Variants in CDH2 observed in about 807,000 individuals in gnomAD.
CDH2 encodes the protein cadherin-2.
A neutral mutation model predicts 92.0 loss-of-function variants in CDH2; 17 were observed. The observed-to-expected ratio is 0.18, with a 90% confidence interval of 0.13 to 0.28. The LOEUF is 0.28. Among genes scored for constraint, CDH2 ranks in the 10% least tolerant of loss-of-function variants. The pLI is 1.00. For missense variants in CDH2, 862 were observed against 1,133.1 expected (o/e 0.76, Z 3.44); for synonymous variants, 419 against 415.9 (o/e 1.01, Z -0.09).
At chr18:28,123,959 G>A (rs1207429866) in intron 2 of CDH2, among the ~76,000 whole-genome samples, 1 of 152,100 alleles carries the variant, frequency 6.6e-6, no homozygotes, top group East Asian at 1.9e-4. Context: ...TAAAACTTAT[G>A]TTAAATTCAA....
intron 2 of CDH2, among the ~76,000 whole-genome samples, chr18:28,056,171 T>C (rs1462143243): frequency 1.3e-5 from 2 of 151,952 alleles, no homozygotes; most frequent in East Asian, 3.9e-4. Flanking sequence ...ATGAAAAGGA[T>C]ATTAGAAGGT....
intron 1 of CDH2, among the ~76,000 whole-genome samples, chr18:28,167,086 A>C (rs888898186): frequency 4.6e-5 from 7 of 152,174 alleles, no homozygotes; most frequent in Non-Finnish European, 1.0e-4. Flanking sequence ...TAGTAAGCTC[A>C]GAGAAGGTAT....
At chr18:28,154,641 G>C (rs990487809) in intron 1 of CDH2, among the ~76,000 whole-genome samples, 1 of 152,178 alleles carries the variant, frequency 6.6e-6, no homozygotes, top group African/African-American at 2.4e-5. Flanking sequence ...TTAAAGCCGA[G>C]TCCACTACTC....
chr18:27,972,823 G>A (rs1476229309), intron 14 of CDH2, among the ~76,000 whole-genome samples: 1 of 152,110 alleles, frequency 6.6e-6, no homozygotes, highest in Non-Finnish European at 1.5e-5. Flanking sequence ...GACCAAGAGT[G>A]GACATAAAAG....
intron 2 of CDH2, among the ~76,000 whole-genome samples, chr18:28,038,822 AC>A (rs1361534553): frequency 3.3e-5 from 5 of 152,146 alleles, no homozygotes; most frequent in African/African-American, 1.2e-4. Flanking sequence ...CCTCTGCACC[AC>A]ATTCTAATTT....
At chr18:28,115,053 GGGA>G (rs1159437463) in intron 2 of CDH2, among the ~76,000 whole-genome samples, 2 of 152,156 alleles carry the variant, frequency 1.3e-5, no homozygotes, top group Non-Finnish European at 2.9e-5. Flanking sequence ...ATCTCCAAGA[GGGA>G]GGAGAACGTT....
intron 5 of CDH2, among the ~76,000 whole-genome samples, chr18:28,007,165 A>AAAAAAAAAT (rs1172779200): frequency 2.2e-4 from 24 of 110,464 alleles, no homozygotes; most frequent in African/African-American, 6.6e-4. Context: ...ATAAAAAAAA[A>AAAAAAAAAT]ATATATATAT....
At chr18:28,166,149 C>CATCTATATATAT (rs2016376970) in intron 1 of CDH2, among the ~76,000 whole-genome samples, 1 of 59,292 alleles carries the variant, frequency 1.7e-5, no homozygotes, top group Non-Finnish European at 3.0e-5. Flanking sequence ...CAGACACACT[C>CATCTATATATAT]ATATATATAT....
chr18:28,018,120 G>A (rs916728094), intron 2 of CDH2, among the ~76,000 whole-genome samples: 1 of 149,702 alleles, frequency 6.7e-6, no homozygotes, highest in Non-Finnish European at 1.5e-5. Flanking sequence ...CAGTGACCAA[G>A]CTGAGAATCA....
At chr18:28,123,554 T>C (rs2144276565) in intron 2 of CDH2, among the ~76,000 whole-genome samples, 1 of 152,268 alleles carries the variant, frequency 6.6e-6, no homozygotes, top group Non-Finnish European at 1.5e-5. Context: ...GAGCAAGCTC[T>C]TTTCAGGCTT....
intron 15 of CDH2, among the ~76,000 whole-genome samples, chr18:27,955,083 TACAG>T (rs1219680464): frequency 6.6e-6 from 1 of 152,178 alleles, no homozygotes; most frequent in Non-Finnish European, 1.5e-5. Context: ...TGCTTTATAA[TACAG>T]ACAACAGAGA....
chr18:27,957,147 C>CATCCATCCATCT (rs1299738392), intron 15 of CDH2, among the ~76,000 whole-genome samples: 3 of 152,112 alleles, frequency 2.0e-5, no homozygotes, highest in Admixed American at 6.6e-5. Context: ...TCCATCCATC[C>CATCCATCCATCT]ATCCAAAAGC....
At chr18:28,047,826 G>A (rs977839475) in intron 2 of CDH2, among the ~76,000 whole-genome samples, 1 of 138,172 alleles carries the variant, frequency 7.2e-6, no homozygotes, top group African/African-American at 2.8e-5. Flanking sequence ...CCGAGATCGG[G>A]CCACTGCACT....
chr18:28,054,197 A>C (rs2014247585), intron 2 of CDH2, among the ~76,000 whole-genome samples: 1 of 152,192 alleles, frequency 6.6e-6, no homozygotes, highest in East Asian at 1.9e-4. Context: ...TCTGGATCCA[A>C]GGAGTCTAGA....
At chr18:28,117,242 A>G (rs2015510130) in intron 2 of CDH2, among the ~76,000 whole-genome samples, 1 of 152,184 alleles carries the variant, frequency 6.6e-6, no homozygotes, top group Non-Finnish European at 1.5e-5. Flanking sequence ...GGATATACCA[A>G]TCTCAAATTA....
chr18:27,942,845 G>A (rs1353210206), intron 6 of CDH2, among the ~76,000 whole-genome samples: 4 of 152,130 alleles, frequency 2.6e-5, no homozygotes, highest in African/African-American at 9.7e-5. Flanking sequence ...CTGTGTGAGT[G>A]CGCCTGGCAG....
intron 2 of CDH2, among the ~76,000 whole-genome samples, chr18:28,018,303 A>G (rs2013310213): frequency 3.3e-5 from 5 of 152,130 alleles, no homozygotes; most frequent in Admixed American, 2.0e-4. Context: ...AAAATGACCA[A>G]TGACCATACT....
chr18:28,045,350 C>T (rs1435401620), intron 2 of CDH2: 2 of 451,384 alleles, frequency 4.4e-6, no homozygotes, highest in African/African-American at 4.1e-5. Context: ...TTGTAAAACC[C>T]AAAGCTTATC....
chr18:28,046,263 AT>A (rs2014073093), intron 2 of CDH2, among the ~76,000 whole-genome samples: 1 of 152,322 alleles, frequency 6.6e-6, no homozygotes, highest in African/African-American at 2.4e-5. Flanking sequence ...TTATTAGGAA[AT>A]GTAGGCACTT....
Sources: allele counts gnomAD v4.1 joint callset (sites outside exome capture counted in the v4.1 genomes callset), GRCh38; gene constraint gnomAD v4.1.1; transcripts MANE v1.5; gene names NCBI Gene and HGNC (gene_info 2026-07-23, HGNC 2026-07-21).